The following LYPD6B variants were observed in gnomAD, a reference collection of about 807,000 sequenced individuals.
LYPD6B encodes the protein LY6/PLAUR domain containing 6B.
In LYPD6B, 17 loss-of-function variants were observed where a neutral mutation model predicts 22.8. That is an observed-to-expected ratio of 0.75 (90% confidence interval 0.51 to 1.12). The LOEUF (loss-of-function observed/expected upper bound fraction) is 1.12. LYPD6B is among the 50% of genes most tolerant of loss of function. The probability of loss-of-function intolerance (pLI) is 0.00; values close to 1 mark genes in which losing one functional copy is unlikely to be tolerated. For missense variants in LYPD6B, 221 were observed against 258.3 expected, an observed-to-expected ratio of 0.86 and a Z score of 0.99; for synonymous variants, 106 against 91.6, an observed-to-expected ratio of 1.16 and a Z score of -0.90.
chr2:149,044,437 T>C (rs1239842418), intron 1 of LYPD6B, among the ~76,000 whole-genome samples: 3 of 152,106 alleles, frequency 2.0e-5, no homozygotes, highest in Non-Finnish European at 4.4e-5. Context: ...TGGTATTGTA[T>C]TCTGTGGCCT....
chr2:149,147,326 C>A (rs1292123845), intron 2 of LYPD6B, among the ~76,000 whole-genome samples: 1 of 152,174 alleles, frequency 6.6e-6, no homozygotes, highest in Admixed American at 6.5e-5. Flanking sequence ...AAGAGGGTAA[C>A]CCAAGTCATT....
intron 3 of LYPD6B, among the ~76,000 whole-genome samples, chr2:149,176,808 G>A (rs905150137): frequency 6.6e-6 from 1 of 152,132 alleles, no homozygotes; most frequent in Non-Finnish European, 1.5e-5. Context: ...CAGTGGATTT[G>A]GTTCTAAAAG....
At chr2:149,208,611 T>C (rs890858715) in intron 5 of LYPD6B, among the ~76,000 whole-genome samples, 199 bp downstream of exon 5, 3 of 152,194 alleles carry the variant, frequency 2.0e-5, no homozygotes, top group African/African-American at 4.8e-5. Flanking sequence ...TTAAATGTTA[T>C]TTACCAGGGA....
chr2:149,206,817 A>G lies in LYPD6B; in HGVS notation c.229+1413A>G, dbSNP rs1693535053. 1.3e-5 allele frequency among the ~76,000 whole-genome samples: 2 copies of G among 152,044 alleles called. 1 individual carries two copies. The highest frequency in any genetic ancestry group is 4.1e-4 in the South Asian group (2 of 4,830). On this transcript the variant is annotated intron_variant, in intron 4 of 6. Transcript: ENST00000409642. Reference sequence around the variant, plus strand: ...TTACACAGTTTTTCCCTCTTTATACATATTTTGAATATTTTCCAATGTCTT... The same window carrying G: ...TTACACAGTTTTTCCCTCTTTATACGTATTTTGAATATTTTCCAATGTCTT...
rs558533249 is a variant in LYPD6B, at chr2:149,041,360, C to T, written c.-67+2559C>T. 1.1e-4 allele frequency among the ~76,000 whole-genome samples: 16 copies of T among 152,248 alleles called. No individual in the cohort carries two copies. In the East Asian group the frequency reaches 2.7e-3, roughly 26 times the overall value. On this transcript the variant is annotated intron_variant, in intron 1 of 6. Coordinates refer to ENST00000409642, the MANE Select transcript of LYPD6B (RefSeq NM_177964.5). ...ACATCCAAAGCAGAAAAAAGAAGGCCGGGGCTTGCTGCTTAATCTTTCTCT... is the reference window on the plus strand; with the variant it reads ...ACATCCAAAGCAGAAAAAAGAAGGCTGGGGCTTGCTGCTTAATCTTTCTCT...
chr2:149,156,087 A>G (rs1356698416), intron 2 of LYPD6B, among the ~76,000 whole-genome samples: 1 of 152,206 alleles, frequency 6.6e-6, no homozygotes, highest in Non-Finnish European at 1.5e-5. Context: ...AAGAGAAATG[A>G]GGACATGATT....
chr2:149,126,129 G>A (rs1455096839), intron 1 of LYPD6B, among the ~76,000 whole-genome samples: 1 of 152,190 alleles, frequency 6.6e-6, no homozygotes, highest in Non-Finnish European at 1.5e-5. Flanking sequence ...TCTGACTTCA[G>A]TGTGGCTGCT....
At chr2:149,177,508 G>T (rs1367467039) in intron 3 of LYPD6B, among the ~76,000 whole-genome samples, 1 of 152,160 alleles carries the variant, frequency 6.6e-6, no homozygotes, top group Non-Finnish European at 1.5e-5. Flanking sequence ...TCTTTGTAAA[G>T]AAAATGGATG....
chr2:149,173,752 A>G (rs1326288298), intron 3 of LYPD6B, among the ~76,000 whole-genome samples: 1 of 152,108 alleles, frequency 6.6e-6, no homozygotes, highest in African/African-American at 2.4e-5. Flanking sequence ...GACCTAACTA[A>G]TCACTTCCTT....
At chr2:149,130,857 A>G (rs931130736) in intron 1 of LYPD6B, 26 bp from the exon 2 acceptor site, 6 of 940,594 alleles carry the variant, frequency 6.4e-6, no homozygotes, top group Non-Finnish European at 1.0e-5. Flanking sequence ...AGTCATAATG[A>G]TACCTTTTCA....
intron 1 of LYPD6B, among the ~76,000 whole-genome samples, chr2:149,083,200 A>G (rs981542451): frequency 1.3e-5 from 2 of 152,212 alleles, no homozygotes; most frequent in African/African-American, 4.8e-5. Flanking sequence ...GCATACAGTT[A>G]GCATTTTGCT....
At chr2:149,068,140 C>T (rs764832697) in intron 1 of LYPD6B, among the ~76,000 whole-genome samples, 1 of 152,082 alleles carries the variant, frequency 6.6e-6, no homozygotes, top group Non-Finnish European at 1.5e-5. Context: ...AATTTTTAAC[C>T]TTTGTAGAAT....
intron 3 of LYPD6B, among the ~76,000 whole-genome samples, chr2:149,176,096 C>A (rs1358329240): frequency 6.6e-6 from 1 of 152,156 alleles, no homozygotes; most frequent in Non-Finnish European, 1.5e-5. Flanking sequence ...ATACAACAAG[C>A]AGCACAGTAA....
At chr2:149,127,434 C>T (rs1432943080) in intron 1 of LYPD6B, among the ~76,000 whole-genome samples, 1 of 152,158 alleles carries the variant, frequency 6.6e-6, no homozygotes, top group Non-Finnish European at 1.5e-5. Context: ...TGACTTATTG[C>T]CCAAGTCTCG....
rs576560516 is a variant in LYPD6B at position 149,087,978 on chromosome 2, T to C, written c.-66-42905T>C. Among the ~76,000 whole-genome samples the C allele has an allele frequency of 7.2e-5, 11 of 152,274 alleles. 1 individual carries two copies. In the East Asian group the frequency reaches 2.1e-3, roughly 29 times the overall value. Reference sequence around the variant, plus strand: ...CTCATCTCACATCTCTCTTTGCAGGTAAAGAATTTAGTGCTCTGGTTTCTG... The same window carrying C: ...CTCATCTCACATCTCTCTTTGCAGGCAAAGAATTTAGTGCTCTGGTTTCTG... On this transcript the variant is annotated intron_variant, in intron 1 of 6. Transcript: ENST00000409642.
intron 1 of LYPD6B, among the ~76,000 whole-genome samples, chr2:149,054,938 T>A (rs1683722454): frequency 6.6e-6 from 1 of 152,204 alleles, no homozygotes; most frequent in Admixed American, 6.5e-5. Context: ...TTTTCTTTTT[T>A]TCGCTTGTGC....
intron 1 of LYPD6B, among the ~76,000 whole-genome samples, chr2:149,122,268 T>C (rs1326226303): frequency 6.6e-6 from 1 of 152,178 alleles, no homozygotes; most frequent in Non-Finnish European, 1.5e-5. Context: ...TCTGTGGCCA[T>C]CTTTCTAGTC....
chr2:149,051,252 G>A (rs527904113), intron 1 of LYPD6B, among the ~76,000 whole-genome samples: 14 of 151,490 alleles, frequency 9.2e-5, no homozygotes, highest in African/African-American at 2.7e-4. Context: ...TGTAAGCTCC[G>A]CCTCCTGGGT....
chr2:149,069,948 G>T (rs12997550), intron 1 of LYPD6B, among the ~76,000 whole-genome samples: 25,425 of 151,218 alleles, frequency 0.17, 2,390 homozygotes, highest in East Asian at 0.34. Flanking sequence ...TGGTGTGTGT[G>T]TGTGTACGTG....
Sources: gnomAD v4.1 joint callset for allele counts (sites outside exome capture counted in the v4.1 genomes callset) on GRCh38, gnomAD v4.1.1 for gene constraint, MANE v1.5 for transcripts, NCBI Gene and HGNC (gene_info 2026-07-23, HGNC 2026-07-21) for gene names.